The following PTPRD variants were observed in gnomAD, a reference collection of about 807,000 sequenced individuals.
The protein encoded by PTPRD is receptor-type tyrosine-protein phosphatase delta.
In PTPRD, 34 loss-of-function variants were observed where a neutral mutation model predicts 214.5. That is an observed-to-expected ratio of 0.16 (90% CI 0.12 to 0.21). The LOEUF is 0.21. Ranked by LOEUF, PTPRD falls within the 10% of genes least tolerant of loss-of-function variation. PTPRD has a pLI of 1.00. For synonymous variants in PTPRD, 1,128 were observed against 845.7 expected, an observed-to-expected ratio of 1.33 and a Z score of -5.79; for missense variants, 2,545 against 2,398.7, an observed-to-expected ratio of 1.06 and a Z score of -1.27.
chr9:8,612,821 T>A (rs1369654558), intron 14 of PTPRD, among the ~76,000 whole-genome samples: 4 of 152,190 alleles, frequency 2.6e-5, no homozygotes, highest in Non-Finnish European at 5.9e-5. Flanking sequence ...CATTCTTTTT[T>A]ATGCAAGACT....
intron 3 of PTPRD, among the ~76,000 whole-genome samples, chr9:10,286,692 T>C (rs1281954982): frequency 6.6e-6 from 1 of 152,024 alleles, no homozygotes; most frequent in African/African-American, 2.4e-5. Context: ...CTGCCTCCCA[T>C]GTTCAAGCAA....
intron 3 of PTPRD, among the ~76,000 whole-genome samples, chr9:10,091,594 G>C (rs184390514): frequency 6.6e-6 from 1 of 151,412 alleles, no homozygotes; most frequent in East Asian, 2.0e-4. Context: ...CAAAATAATT[G>C]TTGTTTGGAA....
At chr9:10,320,006 G>A (rs982961863) in intron 3 of PTPRD, among the ~76,000 whole-genome samples, 2 of 151,992 alleles carry the variant, frequency 1.3e-5, no homozygotes, top group Admixed American at 6.6e-5. Context: ...CTAATAAAAT[G>A]CCTAAAATGC....
At chr9:9,419,818 T>C (rs2078135027) in intron 8 of PTPRD, among the ~76,000 whole-genome samples, 1 of 151,764 alleles carries the variant, frequency 6.6e-6, no homozygotes, top group Admixed American at 6.6e-5. Context: ...GACTTTTGTA[T>C]GTAAACATAT....
chr9:10,087,678 G>A (rs1344572529), intron 3 of PTPRD, among the ~76,000 whole-genome samples: 3 of 151,646 alleles, frequency 2.0e-5, no homozygotes, highest in African/African-American at 7.3e-5. Flanking sequence ...TTGCTTTGAA[G>A]GTGGAACCGG....
chr9:8,733,875 C>A lies in PTPRD; in HGVS notation c.-32G>T. On this transcript the variant is annotated 5_prime_UTR_variant, in exon 12 of 46. Coordinates refer to ENST00000381196, the MANE Select transcript of PTPRD (RefSeq NM_002839.4). ...GCTTGGCAGCAGCGTGCGCGAGCAG[C>A]TTGGAATCACTGCCTCCGGAGCCGC... is the stretch of plus-strand genomic sequence containing the variant. 6.5e-7 allele frequency: 1 copy of A among 1,547,580 alleles called. No individual in the cohort carries two copies. Among genetic ancestry groups the A allele is most frequent in the South Asian group, 1.2e-5 (1 of 83,992 alleles).
chr9:10,219,021 C>T (rs895006818), intron 3 of PTPRD, among the ~76,000 whole-genome samples: 2 of 151,688 alleles, frequency 1.3e-5, no homozygotes, highest in African/African-American at 2.4e-5. Context: ...TAAAAACAAA[C>T]CGAGGCACCA....
At chr9:9,019,237 C>T (rs2099549872) in intron 10 of PTPRD, among the ~76,000 whole-genome samples, 1 of 140,132 alleles carries the variant, frequency 7.1e-6, no homozygotes, top group African/African-American at 2.7e-5. Flanking sequence ...ACAGAATCTA[C>T]CAGACTATGA....
At chr9:9,623,868 C>T (rs1379862042) in intron 7 of PTPRD, among the ~76,000 whole-genome samples, 1 of 152,134 alleles carries the variant, frequency 6.6e-6, no homozygotes, top group African/African-American at 2.4e-5. Context: ...AATATTTTTC[C>T]CGTGCAATCT....
intron 8 of PTPRD, among the ~76,000 whole-genome samples, chr9:9,559,161 C>T (rs2082265953): frequency 6.6e-6 from 1 of 152,090 alleles, no homozygotes; most frequent in African/African-American, 2.4e-5. Context: ...TAACTGCTTC[C>T]CAGTCTGGGG....
At chr9:9,446,188 T>C (rs912410559) in intron 8 of PTPRD, among the ~76,000 whole-genome samples, 1 of 152,068 alleles carries the variant, frequency 6.6e-6, no homozygotes, top group African/African-American at 2.4e-5. Context: ...AAAGTCAAAG[T>C]TCAAGAAAGA....
At chr9:8,380,472 A>G (rs1161425734) in intron 37 of PTPRD, among the ~76,000 whole-genome samples, 1 of 152,174 alleles carries the variant, frequency 6.6e-6, no homozygotes, top group East Asian at 1.9e-4. Context: ...GCTTAAACTG[A>G]GACAGTTCAG....
chr9:9,032,163 G>A (rs1330047256), intron 10 of PTPRD, among the ~76,000 whole-genome samples: 1 of 151,906 alleles, frequency 6.6e-6, no homozygotes, highest in East Asian at 1.9e-4. Flanking sequence ...TGAGAAAAGA[G>A]AGTTCCCAGC....
At chr9:9,918,781 A>G (rs1056965322) in intron 5 of PTPRD, among the ~76,000 whole-genome samples, 1 of 152,126 alleles carries the variant, frequency 6.6e-6, no homozygotes, top group Non-Finnish European at 1.5e-5. Context: ...TGGCATGGGT[A>G]TCGAGAATAT....
At chr9:9,746,536 T>C (rs995805243) in intron 6 of PTPRD, among the ~76,000 whole-genome samples, 1 of 152,196 alleles carries the variant, frequency 6.6e-6, no homozygotes, top group African/African-American at 2.4e-5. Context: ...CAATATAGAA[T>C]TCTTAAAATT....
chr9:9,293,568 A>G (rs1489740748), intron 9 of PTPRD, among the ~76,000 whole-genome samples: 2 of 151,518 alleles, frequency 1.3e-5, no homozygotes, highest in Non-Finnish European at 3.0e-5. Flanking sequence ...GAATGTGTTC[A>G]TTGCTACTGG....
chr9:8,980,075 G>A (rs1009704028), intron 11 of PTPRD, among the ~76,000 whole-genome samples: 6 of 152,068 alleles, frequency 3.9e-5, no homozygotes, highest in African/African-American at 1.2e-4. Context: ...CCTGCCATTT[G>A]CCATAACTTG....
intron 8 of PTPRD, among the ~76,000 whole-genome samples, chr9:9,428,070 C>T (rs1277398259): frequency 1.3e-5 from 2 of 152,052 alleles, no homozygotes; most frequent in East Asian, 3.9e-4. Context: ...CAATATTAAC[C>T]TTAAATGTAT....
At chr9:9,651,835 T>TG (rs1188789048) in intron 7 of PTPRD, among the ~76,000 whole-genome samples, 3 of 130,230 alleles carry the variant, frequency 2.3e-5, no homozygotes, top group Non-Finnish European at 3.3e-5. Flanking sequence ...TGTTTTTTTT[T>TG]TTTTTTTTTT....
Sources: allele counts gnomAD v4.1 joint callset (sites outside exome capture counted in the v4.1 genomes callset), GRCh38; gene constraint gnomAD v4.1.1; transcripts MANE v1.5; gene names NCBI Gene and HGNC (gene_info 2026-07-23, HGNC 2026-07-21).